Variants in FLG observed in about 807,000 individuals in gnomAD.
FLG encodes the protein filaggrin, also known as epidermal filaggrin.
FLG carries 6 observed loss-of-function variants against 3.8 expected under a neutral mutation model. The ratio of observed to expected loss-of-function variants is 1.60; its 90% CI spans 0.87 to 3.15. The LOEUF is 3.15. Among genes scored for constraint, FLG ranks in the 30% most tolerant of loss-of-function variants. The probability of loss-of-function intolerance (pLI) is 0.00; values close to 1 mark genes in which losing one functional copy is unlikely to be tolerated. For missense variants in FLG, 7,595 were observed against 5,050.9 expected, an observed-to-expected ratio of 1.50 and a Z score of -15.27; for synonymous variants, 2,551 against 1,931.6, an observed-to-expected ratio of 1.32 and a Z score of -8.41.
rs1323184096 is a variant in FLG, at chr1:152,302,576, T to C, written c.*124A>G. On this transcript the variant is annotated 3_prime_UTR_variant, in exon 3 of 3. Transcript: ENST00000368799. The stretch of plus-strand genomic sequence containing the variant: ...CTACCACCAAACTAATGAAATACTA[T>C]AGCATATTTTAAACAGATTGACAGG... 2 of 1,229,806 alleles carry C rather than the reference T, an allele frequency of 1.6e-6. No individual in the cohort carries two copies. The highest frequency in any genetic ancestry group is 1.5e-5 in the African/African-American group (1 of 65,844). The allele number at this position is 1,229,806 out of a possible 1,614,324, so 76.2% of individuals were successfully genotyped here.
rs1329041790 is a variant in FLG at position 152,305,156 on chromosome 1, G to A, written c.9730C>T (p.Gln3244Ter). The change falls in exon 3 of 3, where the codon CAG becomes TAG. Residue 3244 changes from glutamine to a stop codon, truncating the protein, a stop_gained. Transcript: ENST00000368799. LOFTEE classifies it low-confidence loss of function (END_TRUNC). ...SASRNHRGSV[Q>*]EQSRHGSRHP... ...CTGGAGCCGTGCCTTGACTGCTCCT[G>A]AACAGATCCACGATGGTTTCTGGAA... The A allele has an allele frequency of 3.7e-6, 6 of 1,613,852 alleles. No individual in the cohort carries two copies. The South Asian group carries it at 6.6e-5, about 18-fold the overall frequency.
rs1651869742 is a variant in FLG, at chr1:152,305,118, G to T, written c.9768C>A (p.Ser3256=). The T allele has an allele frequency of 6.2e-7, 1 of 1,613,898 alleles. No individual in the cohort carries two copies. Among genetic ancestry groups the T allele is most frequent in the Non-Finnish European group, 8.5e-7 (1 of 1,179,962 alleles). ...QSRHGSRHPR[S]HHEDRAGHGH... The stretch of plus-strand genomic sequence containing the variant: ...CGTGACCGGCTCTGTCTTCGTGATG[G>T]GACCTGGGGTGTCTGGAGCCGTGCC... The change falls in exon 3 of 3, where the codon TCC becomes TCA. Residue 3256 remains serine, a synonymous_variant. Coordinates refer to ENST00000368799, the MANE Select transcript of FLG (RefSeq NM_002016.2).
Position 152,313,433 on chromosome 1 carries a change from T to A in FLG, c.1453A>T (p.Thr485Ser). 6.2e-7 allele frequency: 1 copy of A among 1,613,790 alleles called. No homozygotes were observed. ...TGTCTTCCTCCAGTGCTGGTCCCGG[T>A]CCGTCCATGGGCAGAGTCAGGCTGT... ...HEQPDSAHGR[T>S]GTSTGGRQGS... is the part of the protein sequence containing the mutation. Residue 485 changes from threonine to serine, a missense_variant, in exon 3 of 3, where the codon ACC becomes TCC. Coordinates refer to ENST00000368799, the MANE Select transcript of FLG (RefSeq NM_002016.2).
rs1327217833 is a variant in FLG at position 152,309,904 on chromosome 1, G to A, written c.4982C>T (p.Ser1661Phe). The change falls in exon 3 of 3, where the codon TCC becomes TTC. Residue 1661 changes from serine to phenylalanine, a missense_variant. By Grantham distance (155) the Ser-to-Phe change is radical. Coordinates refer to ENST00000368799, the MANE Select transcript of FLG (RefSeq NM_002016.2). ...RQSGTRHAETSSGGQAASSQE... is the reference protein window; with the variant it reads ...RQSGTRHAETFSGGQAASSQE... ...GGATGATGCAGCCTGTCCACCAGAG[G>A]AAGTCTCTGCATGACGAGTGCCTGA... The A allele has an allele frequency of 1.2e-6, 2 of 1,614,004 alleles. No homozygotes were observed. Among genetic ancestry groups the A allele is most frequent in the African/African-American group, 1.3e-5 (1 of 74,894 alleles).
rs1652685794 is a variant in FLG, at chr1:152,314,323, G to A, written c.563C>T (p.Thr188Ile). ...HNSSKKEKNK[T>I]ENTRLGDNRK... ...ATTGTCTCCTAATCTAGTATTTTCA[G>A]TCTTGTTTTTCTCTTTTTTACTTGA... is the stretch of plus-strand genomic sequence containing the variant. The change falls in exon 3 of 3, where the codon ACT becomes ATT. Residue 188 changes from threonine to isoleucine, a missense_variant. Thr to Ile is a moderately conservative substitution (Grantham distance 89, BLOSUM62 -1). Coordinates refer to ENST00000368799, the MANE Select transcript of FLG (RefSeq NM_002016.2). The A allele has an allele frequency of 6.2e-7, 1 of 1,612,732 alleles. No individual in the cohort carries two copies. The highest frequency in any genetic ancestry group is 8.5e-7 in the Non-Finnish European group (1 of 1,179,738).
Position 152,302,854 on chromosome 1 carries a change from C to G in FLG, c.12032G>C (p.Arg4011Thr), listed in dbSNP as rs1033418056. 4 of 1,614,188 alleles carry G rather than the reference C, an allele frequency of 2.5e-6. No individual in the cohort carries two copies. The highest frequency in any genetic ancestry group is 3.4e-6 in the Non-Finnish European group (4 of 1,180,030). ...YNSNPVVFKERSDICKASAFG... is the reference protein window; with the variant it reads ...YNSNPVVFKETSDICKASAFG... ...CGCACTTGCTTTACAGATATCAGAT[C>G]TTTCCTTGAAAACAACAGGATTGGA... is the stretch of plus-strand genomic sequence containing the variant. Residue 4011 changes from arginine (R) to threonine (T), a missense_variant, in exon 3 of 3, where the codon AGA becomes ACA. Arg to Thr is a moderately conservative substitution (Grantham distance 71, BLOSUM62 -1). Transcript: ENST00000368799.
In FLG at chr1:152,313,391, G is replaced by T. The variant is rs779962462; in HGVS notation, c.1495C>A (p.Gln499Lys). Residue 499 changes from glutamine to lysine, a missense_variant, in exon 3 of 3, where the codon CAG (glutamine) becomes AAG (lysine). Physicochemically the swap from Gln to Lys is moderately conservative, Grantham distance 53. Coordinates refer to ENST00000368799, the MANE Select transcript of FLG (RefSeq NM_002016.2). ...TGGRQGSHHEQARDSSRHSAS... is the reference protein window; with the variant it reads ...TGGRQGSHHEKARDSSRHSAS... ...GAATGCCTGGAGCTGTCTCGTGCCT[G>T]CTCGTGGTGCGATCCTTGTCTTCCT... is the stretch of plus-strand genomic sequence containing the variant. 6.8e-6 allele frequency: 11 copies of T among 1,613,782 alleles called. No homozygotes were observed. In the South Asian group the frequency reaches 1.1e-4, roughly 16 times the overall value.
rs779141143 is a variant in FLG, at chr1:152,310,479, G to A, written c.4407C>T (p.Arg1469=). 4.5e-5 allele frequency: 73 copies of A among 1,613,756 alleles called. No homozygotes were observed. In the Admixed American group the frequency reaches 5.0e-4, roughly 11 times the overall value. The change falls in exon 3 of 3, where the codon CGC becomes CGT. Residue 1469 remains arginine (R), a synonymous_variant. Coordinates refer to ENST00000368799, the MANE Select transcript of FLG (RefSeq NM_002016.2). The part of the protein sequence containing the change: ...APSTGGRQGS[R]HEQARNSSRH... ...TAGAGCTGTTTCGTGCCTGCTCATG[G>A]CGGGATCCTTGTCTTCCTCCAGTGC...
Position 152,307,877 on chromosome 1 carries a change from A to C in FLG, c.7009T>G (p.Ser2337Ala). 1 of 1,611,972 alleles carries C rather than the reference A, an allele frequency of 6.2e-7. No homozygotes were observed. The highest frequency in any genetic ancestry group is 8.5e-7 in the Non-Finnish European group (1 of 1,179,468). Residue 2337 changes from serine (S) to alanine (A), a missense_variant, in exon 3 of 3, where the codon TCA becomes GCA. By Grantham distance (99) the Ser-to-Ala change is moderately conservative. Coordinates refer to ENST00000368799, the MANE Select transcript of FLG (RefSeq NM_002016.2). ...CCTGAGTGTCTGGAGCTGTCTGCTG[A>C]CTGCTGGTGGTGGGATCCGTGTCTC... ...GERHGSHHQQ[S>A]ADSSRHSGIG...
rs556850179 is a variant in FLG at position 152,313,127 on chromosome 1, G to A, written c.1759C>T (p.Arg587Cys). The A allele has an allele frequency of 2.8e-5, 45 of 1,613,880 alleles. No homozygotes were observed. Among genetic ancestry groups the A allele is most frequent in the South Asian group, 1.9e-4 (17 of 91,062 alleles). Reference sequence around the variant, plus strand: ...GCCTGAGAGGAAGCTTCATGATGACGTGACCCTGAGTGCCTGGTGCCGTCT... The same window carrying A: ...GCCTGAGAGGAAGCTTCATGATGACATGACCCTGAGTGCCTGGTGCCGTCT... Reference protein sequence around the residue: ...SGDGTRHSGSRHHEASSQADS... With the variant: ...SGDGTRHSGSCHHEASSQADS... Residue 587 changes from arginine (R) to cysteine (C), a missense_variant, in exon 3 of 3, where the codon CGT becomes TGT. Arg to Cys is a radical substitution (Grantham distance 180). Transcript: ENST00000368799.
In FLG at chr1:152,311,101, G is replaced by C. The variant is rs190350842; in HGVS notation, c.3785C>G (p.Thr1262Arg). 8.2e-5 allele frequency: 132 copies of C among 1,613,882 alleles called. 2 individuals carry two copies. The highest frequency in any genetic ancestry group is 4.0e-4 in the Admixed American group (24 of 59,990). ...AACACTGGATCCCTGGTGCCTGCTT[G>C]TCCTGGACCCCGATGATTGTTCCTG... ...VGQEQSSGSR[T>R]SRHQGSSVSQ... Residue 1262 changes from threonine to arginine, a missense_variant, in exon 3 of 3, where the codon ACA becomes AGA. Coordinates refer to ENST00000368799, the MANE Select transcript of FLG (RefSeq NM_002016.2).
chr1:152,322,545 T>C (rs1653015971), intron 1 of FLG, among the ~76,000 whole-genome samples: 1 of 150,694 alleles, frequency 6.6e-6, no homozygotes, highest in African/African-American at 2.4e-5. Flanking sequence ...TAGGAATAAA[T>C]CTAATTAAAG....
At position 152,312,745 on chromosome 1, in the gene FLG, A is replaced by T. The variant is rs554865451; in HGVS notation, c.2141T>A (p.Leu714His). Residue 714 changes from leucine (L) to histidine (H), a missense_variant, in exon 3 of 3, where the codon CTC (leucine) becomes CAC (histidine). Leu to His is a moderately conservative substitution (Grantham distance 99, BLOSUM62 -3). Coordinates refer to ENST00000368799, the MANE Select transcript of FLG (RefSeq NM_002016.2). ...AGERHGSRHQ[L>H]QSADSSRHSG... ...GTGTCTGGAGCTGTCTGCTGACTGGAGCTGGTGGCGGGATCCATGTCTTTC... is the reference window on the plus strand; with the variant it reads ...GTGTCTGGAGCTGTCTGCTGACTGGTGCTGGTGGCGGGATCCATGTCTTTC... 4.6e-5 allele frequency: 74 copies of T among 1,613,034 alleles called. 1 individual carries two copies. Among genetic ancestry groups the T allele is most frequent in the South Asian group, 3.0e-4 (27 of 90,988 alleles).
Position 152,310,480 on chromosome 1 carries a change from CG to C in FLG, c.4405del (p.Arg1469AlafsTer41), listed in dbSNP as rs767528401. 15 of 1,613,542 alleles carry C rather than the reference CG, an allele frequency of 9.3e-6. No individual in the cohort carries two copies. The South Asian group carries it at 1.5e-4, about 17-fold the overall frequency. On this transcript the variant is annotated frameshift_variant, in exon 3 of 3. Coordinates refer to ENST00000368799, the MANE Select transcript of FLG (RefSeq NM_002016.2). LOFTEE classifies it low-confidence loss of function (END_TRUNC). The stretch of plus-strand genomic sequence containing the variant: ...AGAGCTGTTTCGTGCCTGCTCATGG[CG>C]GGATCCTTGTCTTCCTCCAGTGCTG... ...APSTGGRQGS[R>X]HEQARNSSRH...
chr1:152,322,488 TAAG>T (rs1368476092), intron 1 of FLG, among the ~76,000 whole-genome samples: 2 of 150,522 alleles, frequency 1.3e-5, no homozygotes, highest in African/African-American at 4.9e-5. Flanking sequence ...GAAAATGAAA[TAAG>T]AAAAGATGCT....
At position 152,304,149 on chromosome 1, in the gene FLG, C is replaced by T. The variant is rs372491432; in HGVS notation, c.10737G>A (p.Thr3579=). ...EQSRDGSRHP[T]SHHEDRAGHG... is the part of the protein sequence containing the mutation. ...GACCGGCTCTGTCTTCGTGATGGGA[C>T]GTGGGGTGTCTGGAGCCATCTCTTG... is the stretch of plus-strand genomic sequence containing the variant. The change falls in exon 3 of 3, where the codon ACG becomes ACA. Residue 3579 remains threonine (T), a synonymous_variant. Coordinates refer to ENST00000368799, the MANE Select transcript of FLG (RefSeq NM_002016.2). The T allele has an allele frequency of 4.1e-5, 65 of 1,602,822 alleles. 2 individuals carry two copies. The South Asian group carries it at 4.6e-4, about 11-fold the overall frequency.
chr1:152,308,931 G>C lies in FLG; in HGVS notation c.5955C>G (p.Ser1985=). 1 of 1,614,150 alleles carries C rather than the reference G, an allele frequency of 6.2e-7. No individual in the cohort carries two copies. The highest frequency in any genetic ancestry group is 8.5e-7 in the Non-Finnish European group (1 of 1,179,998). The change falls in exon 3 of 3, where the codon TCC becomes TCG. Residue 1985 remains serine (S), a synonymous_variant. Transcript: ENST00000368799. ...RQSGTRHTES[S]SRGQAASSHE... ...GGGATGACGCAGCCTGTCCACGAGA[G>C]GAAGACTCTGTGTGACGAGTGCCTG...
In FLG at chr1:152,307,283, G is replaced by A; in HGVS notation, c.7603C>T (p.His2535Tyr). The change falls in exon 3 of 3, where the codon CAT becomes TAT. Residue 2535 changes from histidine (H) to tyrosine (Y), a missense_variant. Coordinates refer to ENST00000368799, the MANE Select transcript of FLG (RefSeq NM_002016.2). Reference protein sequence around the residue: ...DGSRHSGSRHHEASSRADSSG... With the variant: ...DGSRHSGSRHYEASSRADSSG... ...CTGTCGGCCCGAGAGGAAGCTTCAT[G>A]GTGACGCGACCCTGAGTGCCTGGAG... 1 of 1,613,146 alleles carries A rather than the reference G, an allele frequency of 6.2e-7. No individual in the cohort carries two copies. The highest frequency in any genetic ancestry group is 1.1e-5 in the South Asian group (1 of 91,022).
chr1:152,305,546 G>T lies in FLG; in HGVS notation c.9340C>A (p.Pro3114Thr), dbSNP rs1309324306. Reference sequence around the variant, plus strand: ...TGCCTTCCTCCTCTGCTTGACCCCGGGTGTCCACGAATGGTGTCCTGACCG... The same window carrying T: ...TGCCTTCCTCCTCTGCTTGACCCCGTGTGTCCACGAATGGTGTCCTGACCG... The part of the protein sequence containing the change: ...QYGQDTIRGH[P>T]GSSRGGRQGY... The change falls in exon 3 of 3, where the codon CCG becomes ACG. Residue 3114 changes from proline to threonine, a missense_variant. Physicochemically the swap from Pro to Thr is conservative, Grantham distance 38. Transcript: ENST00000368799. 9 of 1,527,420 alleles carry T rather than the reference G, an allele frequency of 5.9e-6. 2 individuals are homozygous for T. The Admixed American group carries it at 7.7e-5, about 13-fold the overall frequency. 94.6% of individuals were successfully genotyped at this position (1,527,420 alleles called of 1,614,324 possible). A position where few individuals can be genotyped will look rare whatever the true frequency, so the allele number is the denominator to read the frequency against.
Sources: gnomAD v4.1 joint callset for allele counts (sites outside exome capture counted in the v4.1 genomes callset) on GRCh38, gnomAD v4.1.1 for gene constraint, MANE v1.5 for transcripts, NCBI Gene and HGNC (gene_info 2026-07-23, HGNC 2026-07-21) for gene names.